ITGA9: variants seen among roughly 807,000 people sequenced by gnomAD.
ITGA9 encodes integrin subunit alpha 9, also known as integrin alpha-9.
In ITGA9, 56 loss-of-function variants were observed where a neutral mutation model predicts 127.8. The ratio of observed to expected loss-of-function variants is 0.44; its 90% CI spans 0.35 to 0.55. The LOEUF is 0.55. Among genes scored for constraint, ITGA9 ranks in the 20% least tolerant of loss-of-function variants. The probability of loss-of-function intolerance (pLI) is 0.00; values close to 1 mark genes in which losing one functional copy is unlikely to be tolerated. For synonymous variants in ITGA9, 508 were observed against 514.5 expected (o/e 0.99, Z 0.17); for missense variants, 1,196 against 1,347.1 (o/e 0.89, Z 1.76).
At chr3:37,617,506 G>C (rs945885744) in intron 15 of ITGA9, among the ~76,000 whole-genome samples, 3 of 152,234 alleles carry the variant, frequency 2.0e-5, no homozygotes, top group South Asian at 2.1e-4. Context: ...TTGAATGTTG[G>C]CCTGCCTTGC....
At chr3:37,717,267 C>T (rs554929972) in intron 18 of ITGA9, among the ~76,000 whole-genome samples, 1 of 152,344 alleles carries the variant, frequency 6.6e-6, no homozygotes, top group South Asian at 2.1e-4. Flanking sequence ...ACTGCAGCCA[C>T]AAAGGCCTAT....
intron 26 of ITGA9, among the ~76,000 whole-genome samples, chr3:37,786,765 G>A (rs2125554729): frequency 6.6e-6 from 1 of 152,320 alleles, no homozygotes; most frequent in East Asian, 1.9e-4. Context: ...TCCCTACTCA[G>A]TGAGGAGAAT....
chr3:37,801,479 A>G (rs1285023112), intron 26 of ITGA9, among the ~76,000 whole-genome samples: 1 of 152,116 alleles, frequency 6.6e-6, no homozygotes, highest in Non-Finnish European at 1.5e-5. Flanking sequence ...TAATTTTTAA[A>G]AAGTAAAAAG....
chr3:37,519,106 C>CTTTT (rs1491113222), intron 10 of ITGA9, among the ~76,000 whole-genome samples, 154 bp from the exon 11 acceptor site: 1 of 148,420 alleles, frequency 6.7e-6, no homozygotes. Context: ...TTTTTTTTCC[C>CTTTT]GCTGAGGGAT....
At chr3:37,543,174 C>T (rs962099056) in intron 15 of ITGA9, among the ~76,000 whole-genome samples, 7 of 152,210 alleles carry the variant, frequency 4.6e-5, no homozygotes, top group African/African-American at 1.7e-4. Flanking sequence ...ATTCAGGAGG[C>T]CAGGCTTTGA....
At chr3:37,464,130 T>TGTGC (rs1698345321) in intron 1 of ITGA9, among the ~76,000 whole-genome samples, 1 of 150,908 alleles carries the variant, frequency 6.6e-6, no homozygotes, top group African/African-American at 2.5e-5. Flanking sequence ...TGTGTGTGTG[T>TGTGC]GTGTGTGTGT....
intron 18 of ITGA9, among the ~76,000 whole-genome samples, chr3:37,687,640 T>G (rs1011040751): frequency 2.6e-5 from 4 of 152,238 alleles, no homozygotes; most frequent in African/African-American, 9.6e-5. Flanking sequence ...GAAACCAGTT[T>G]CTACAGACTT....
At chr3:37,522,018 G>T (rs1440627401) in intron 11 of ITGA9, among the ~76,000 whole-genome samples, 1 of 151,990 alleles carries the variant, frequency 6.6e-6, no homozygotes, top group East Asian at 1.9e-4. Flanking sequence ...TGGGGGTCAG[G>T]GGGCATCTCT....
intron 27 of ITGA9, among the ~76,000 whole-genome samples, chr3:37,815,347 G>A (rs1356311634): frequency 1.3e-5 from 2 of 152,162 alleles, no homozygotes; most frequent in Admixed American, 6.5e-5. Context: ...GGTGGCTCAC[G>A]CCTGTAATCC....
intron 15 of ITGA9, among the ~76,000 whole-genome samples, chr3:37,559,742 C>T (rs1699467209): frequency 6.6e-6 from 1 of 152,148 alleles, no homozygotes; most frequent in African/African-American, 2.4e-5. Flanking sequence ...CCACACGGAG[C>T]CATTACCTTG....
At chr3:37,653,083 G>C (rs1434913710) in intron 16 of ITGA9, among the ~76,000 whole-genome samples, 1 of 152,222 alleles carries the variant, frequency 6.6e-6, no homozygotes, top group Non-Finnish European at 1.5e-5. Flanking sequence ...GGCTTTGGCT[G>C]TTGAGGCCCA....
chr3:37,652,363 G>A (rs1700437241), intron 16 of ITGA9, among the ~76,000 whole-genome samples: 1 of 152,164 alleles, frequency 6.6e-6, no homozygotes, highest in Non-Finnish European at 1.5e-5. Flanking sequence ...CAAAGAAAGA[G>A]CAAATATATT....
intron 18 of ITGA9, among the ~76,000 whole-genome samples, chr3:37,690,885 G>A (rs1700825062): frequency 6.6e-6 from 1 of 152,210 alleles, no homozygotes; most frequent in South Asian, 2.1e-4. Context: ...AAGTTATATA[G>A]GCAGGAGGCA....
At position 37,732,904 on chromosome 3, in the gene ITGA9, C is replaced by T. The variant is rs13066726; in HGVS notation, c.2154+106C>T. The T allele has an allele frequency of 8.0e-3, 6,704 of 838,966 alleles. 41 individuals are homozygous for T. Among genetic ancestry groups the T allele is most frequent in the Non-Finnish European group, 0.011 (5,384 of 500,288 alleles). The allele number at this position is 838,966 out of a possible 1,614,324, so 52.0% of individuals were successfully genotyped here. A position where few individuals can be genotyped will look rare whatever the true frequency, so the allele number is the denominator to read the frequency against. On this transcript the variant is annotated intron_variant, in intron 19 of 27. Transcript: ENST00000264741. Reference sequence around the variant, plus strand: ...GGTGAGGAGTCCTCCCACCCCCTGCCTCCCATAGCAGCTGGGGCGGCCACT... The same window carrying T: ...GGTGAGGAGTCCTCCCACCCCCTGCTTCCCATAGCAGCTGGGGCGGCCACT...
chr3:37,471,225 C>T, intron 2 of ITGA9, 91 bp downstream of exon 2: 2 of 1,398,508 alleles, frequency 1.4e-6, no homozygotes, highest in Non-Finnish European at 2.0e-6. Flanking sequence ...CATTCACTCA[C>T]CCATCCATCC....
rs369671331 is a variant in ITGA9, at chr3:37,481,619, T to C, written c.544+12T>C. ...CCCTTGCTATGAAGGTGAGCATGGA[T>C]TGATTTTTCCTCATCCCCCTACCCA... is the stretch of plus-strand genomic sequence containing the variant. On this transcript the variant is annotated intron_variant, in intron 4 of 27. Transcript: ENST00000264741. 33 of 1,613,978 alleles carry C rather than the reference T, an allele frequency of 2.0e-5. No individual in the cohort carries two copies. In the African/African-American group the frequency reaches 4.0e-4, roughly 20 times the overall value.
At chr3:37,486,627 G>A (rs1291423464) in intron 4 of ITGA9, among the ~76,000 whole-genome samples, 2 of 152,180 alleles carry the variant, frequency 1.3e-5, no homozygotes, top group East Asian at 1.9e-4. Flanking sequence ...ATAATGAAGG[G>A]TAGAAAGCTG....
intron 18 of ITGA9, among the ~76,000 whole-genome samples, chr3:37,694,390 A>G (rs1313443660): frequency 6.6e-6 from 1 of 152,168 alleles, no homozygotes; most frequent in East Asian, 1.9e-4. Context: ...CCCAGCCTTG[A>G]GTGAAACTGC....
intron 5 of ITGA9, among the ~76,000 whole-genome samples, chr3:37,500,524 C>T (rs1263495695): frequency 6.6e-6 from 1 of 152,200 alleles, no homozygotes; most frequent in Non-Finnish European, 1.5e-5. Flanking sequence ...CCAAATTAAC[C>T]ATAACACGTA....
Sources: gnomAD v4.1 joint callset for allele counts (sites outside exome capture counted in the v4.1 genomes callset) on GRCh38, gnomAD v4.1.1 for gene constraint, MANE v1.5 for transcripts, NCBI Gene and HGNC (gene_info 2026-07-23, HGNC 2026-07-21) for gene names.